The following RTL1 variants were observed in gnomAD, a reference collection of about 807,000 sequenced individuals.
The protein encoded by RTL1 is retrotransposon Gag like 1.
For missense variants in RTL1, 1,681 were observed against 1,767.5 expected (o/e 0.95, Z 0.88); for synonymous variants, 727 against 748.4 (o/e 0.97, Z 0.47).
chr14:100,880,820 G>A lies in RTL1; in HGVS notation c.3969C>T (p.Thr1323=), dbSNP rs1248799143. 3 of 1,550,700 alleles carry A rather than the reference G, an allele frequency of 1.9e-6. No homozygotes were observed. The highest frequency in any genetic ancestry group is 2.0e-5 in the Admixed American group (1 of 51,004). Residue 1323 remains threonine, a synonymous_variant, in exon 4 of 4, where the codon ACC becomes ACT. Coordinates refer to ENST00000649591, the MANE Select transcript of RTL1 (RefSeq NM_001134888.3). ...TGGGCAGGGCCCGCCTGTAGATCAGGGTCAGGAACTGGCTCAGGGCCCTGG... is the reference window on the plus strand; with the variant it reads ...TGGGCAGGGCCCGCCTGTAGATCAGAGTCAGGAACTGGCTCAGGGCCCTGG... The part of the protein sequence containing the change: ...QAARALSQFL[T]LIYRRALPIP...
chr14:100,902,198 T>G (rs565923361), intron 2 of RTL1, among the ~76,000 whole-genome samples: 1 of 152,300 alleles, frequency 6.6e-6, no homozygotes, highest in Non-Finnish European at 1.5e-5. Context: ...CTTTTGCATC[T>G]GCCTCCTCGG....
intron 3 of RTL1, among the ~76,000 whole-genome samples, chr14:100,888,138 T>C (rs546142760): frequency 1.3e-5 from 2 of 152,336 alleles, no homozygotes; most frequent in Admixed American, 6.5e-5. Flanking sequence ...ATTTCAACAA[T>C]GAGCTCAATG....
chr14:100,903,015 C>T (rs535641272), intron 2 of RTL1, among the ~76,000 whole-genome samples: 10 of 152,300 alleles, frequency 6.6e-5, no homozygotes, highest in East Asian at 3.9e-4. Flanking sequence ...AGGCAGCCCC[C>T]GGCCTGTGGA....
In RTL1 at chr14:100,881,734, A is replaced by T; in HGVS notation, c.3055T>A (p.Ser1019Thr). The T allele has an allele frequency of 6.2e-7, 1 of 1,606,030 alleles. No individual in the cohort carries two copies. Among genetic ancestry groups the T allele is most frequent in the Non-Finnish European group, 8.5e-7 (1 of 1,175,908 alleles). The change falls in exon 4 of 4, where the codon TCA becomes ACA. Residue 1019 changes from serine (S) to threonine (T), a missense_variant. Physicochemically the swap from Ser to Thr is moderately conservative, Grantham distance 58 (BLOSUM62 1). Coordinates refer to ENST00000649591, the MANE Select transcript of RTL1 (RefSeq NM_001134888.3). This position sits in a 1 kb window ranked among gnomAD's most constrained non-coding sequence, Gnocchi z 6.6. ...TAARQTLLLA[S>T]RGFPRDPSTE... is the part of the protein sequence containing the mutation. The stretch of plus-strand genomic sequence containing the variant: ...GATGGATCCCTGGGGAATCCCCTTG[A>T]GGCCAGCAGCAGGGTTTGCCTGGCG...
At position 100,889,951 on chromosome 14, in the gene RTL1, T is replaced by C. The variant is rs1244008779; in HGVS notation, c.-87+3493A>G. On this transcript the variant is annotated intron_variant, in intron 3 of 3. Transcript: ENST00000649591. ...CTGCCATAGCCTGGGCCCTGCCTCTTCTCTGCGCTTTGCAGAAATCATATT... is the reference window on the plus strand; with the variant it reads ...CTGCCATAGCCTGGGCCCTGCCTCTCCTCTGCGCTTTGCAGAAATCATATT... Among the ~76,000 whole-genome samples, 4 of 152,126 alleles carry C rather than the reference T, an allele frequency of 2.6e-5. No homozygotes were observed. The East Asian group carries it at 5.8e-4, about 22-fold the overall frequency.
Position 100,897,091 on chromosome 14 carries a change from G to A in RTL1, c.-148-3586C>T, listed in dbSNP as rs148100738. On this transcript the variant is annotated intron_variant, in intron 2 of 3. Transcript: ENST00000649591. ...GCCCTGGGCACACACCTGCCAGCCC[G>A]ATGTCACTGACAGGCTGCTCGGAGG... is the stretch of plus-strand genomic sequence containing the variant. Among the ~76,000 whole-genome samples, 959 of 152,252 alleles carry A rather than the reference G, an allele frequency of 6.3e-3. 11 individuals are homozygous for A. Among genetic ancestry groups the A allele is most frequent in the African/African-American group, 0.022 (926 of 41,514 alleles).
rs747019094 is a variant in RTL1 at position 100,881,372 on chromosome 14, C to T, written c.3417G>A (p.Thr1139=). 12 of 1,550,442 alleles carry T rather than the reference C, an allele frequency of 7.7e-6. No individual in the cohort carries two copies. Among genetic ancestry groups the T allele is most frequent in the East Asian group, 4.9e-5 (2 of 40,904 alleles). ...DSSLIAGSSI[T]TAITQLLTQM... is the part of the protein sequence containing the mutation. Reference sequence around the variant, plus strand: ...GGGTGAGCAGCTGGGTGATGGCTGTCGTGATGCTGCTGCCTGCGATGAGGG... The same window carrying T: ...GGGTGAGCAGCTGGGTGATGGCTGTTGTGATGCTGCTGCCTGCGATGAGGG... The change falls in exon 4 of 4, where the codon ACG becomes ACA. Residue 1139 remains threonine, a synonymous_variant. Transcript: ENST00000649591. The surrounding 1 kb of genome is among the most constrained non-coding windows in gnomAD (Gnocchi z 6.6).
At chr14:100,888,590 G>C (rs1165313102) in intron 3 of RTL1, among the ~76,000 whole-genome samples, 3 of 152,124 alleles carry the variant, frequency 2.0e-5, no homozygotes, top group Non-Finnish European at 4.4e-5. Flanking sequence ...ATCTTACAGT[G>C]TCTCTTAGTT....
chr14:100,888,931 G>A (rs957772167), intron 3 of RTL1, among the ~76,000 whole-genome samples: 17 of 152,122 alleles, frequency 1.1e-4, no homozygotes, highest in Non-Finnish European at 2.1e-4. Context: ...AAATGTTTGC[G>A]CATGATTGTT....
At chr14:100,895,339 G>A (rs1353230569) in intron 2 of RTL1, among the ~76,000 whole-genome samples, 3 of 152,132 alleles carry the variant, frequency 2.0e-5, no homozygotes, top group Non-Finnish European at 2.9e-5. Flanking sequence ...TTGCTTAGGG[G>A]AGATGGATGA....
intron 2 of RTL1, among the ~76,000 whole-genome samples, chr14:100,898,609 A>G (rs551660713): frequency 6.6e-6 from 1 of 152,226 alleles, no homozygotes; most frequent in Non-Finnish European, 1.5e-5. Flanking sequence ...GGAACTTGCC[A>G]GCCTCAGCCC....
At chr14:100,897,513 T>G (rs980866639) in intron 2 of RTL1, 2 of 152,260 alleles carry the variant, frequency 1.3e-5, no homozygotes, top group Non-Finnish European at 2.9e-5. Context: ...TTTGCATATG[T>G]AGATAAATAT....
chr14:100,896,548 C>T (rs1005482788), intron 2 of RTL1, among the ~76,000 whole-genome samples: 1 of 151,738 alleles, frequency 6.6e-6, no homozygotes, highest in Admixed American at 6.6e-5. Flanking sequence ...ATTCCAAGAG[C>T]CTGTGACGGC....
chr14:100,880,594 G>C lies in RTL1; in HGVS notation c.*118C>G. On this transcript the variant is annotated 3_prime_UTR_variant, in exon 4 of 4. Transcript: ENST00000649591. Reference sequence around the variant, plus strand: ...GCCCTTCACAAGTGGGTTCCTCTTGGGTCAGGAGTGGCAGGAAGGGAAGCG... The same window carrying C: ...GCCCTTCACAAGTGGGTTCCTCTTGCGTCAGGAGTGGCAGGAAGGGAAGCG... The C allele has an allele frequency of 6.7e-7, 1 of 1,489,936 alleles. No individual in the cohort carries two copies. The highest frequency in any genetic ancestry group is 8.9e-7 in the Non-Finnish European group (1 of 1,121,516). The allele number at this position is 1,489,936 out of a possible 1,614,324, so 92.3% of individuals were successfully genotyped here.
rs1016141872 is a variant in RTL1, at chr14:100,893,756, T to A, written c.-148-251A>T. Among the ~76,000 whole-genome samples the A allele has an allele frequency of 6.6e-6, 1 of 152,240 alleles. No homozygotes were observed. The highest frequency in any genetic ancestry group is 1.5e-5 in the Non-Finnish European group (1 of 68,044). On this transcript the variant is annotated intron_variant, in intron 2 of 3. Transcript: ENST00000649591. The surrounding 1 kb of genome is among the most constrained non-coding windows in gnomAD (Gnocchi z 4.2). ...CAGGTTTTCACTCTTTCAATCGTTC[T>A]AAGAAGCTGCGAGGGCCTTCCTTTT...
chr14:100,894,116 C>A (rs1183023537), intron 2 of RTL1, among the ~76,000 whole-genome samples: 1 of 152,068 alleles, frequency 6.6e-6, no homozygotes, highest in Non-Finnish European at 1.5e-5. Flanking sequence ...TCAAGACCAG[C>A]CTGGCTGACA....
At position 100,881,620 on chromosome 14, in the gene RTL1, C is replaced by T. The variant is rs1275856297; in HGVS notation, c.3169G>A (p.Asp1057Asn). The change falls in exon 4 of 4, where the codon GAC (aspartate) becomes AAC (asparagine). Residue 1057 changes from aspartate (D) to asparagine (N), a missense_variant. Transcript: ENST00000649591. This position sits in a 1 kb window ranked among gnomAD's most constrained non-coding sequence, Gnocchi z 6.6. ...RQELLAMIPI[D>N]QILNSFLAHF... ...GCGAGGAAGCTGTTGAGGATCTGGTCGATGGGTATCATGGCCAGCAGCTCT... is the reference window on the plus strand; with the variant it reads ...GCGAGGAAGCTGTTGAGGATCTGGTTGATGGGTATCATGGCCAGCAGCTCT... The T allele has an allele frequency of 3.2e-6, 5 of 1,551,814 alleles. No homozygotes were observed. Among genetic ancestry groups the T allele is most frequent in the South Asian group, 2.4e-5 (2 of 84,060 alleles).
At chr14:100,897,757 G>GGA (rs1566760845) in intron 2 of RTL1, 1 of 141,554 alleles carries the variant, frequency 7.1e-6, no homozygotes, top group East Asian at 2.4e-4. Context: ...TTGGCGGGGG[G>GGA]GGGGGTGGGG....
rs1253028496 is a variant in RTL1, at chr14:100,884,056, G to A, written c.733C>T (p.Leu245=). The A allele has an allele frequency of 1.0e-5, 16 of 1,551,618 alleles. No individual in the cohort carries two copies. Among genetic ancestry groups the A allele is most frequent in the Non-Finnish European group, 1.4e-5 (16 of 1,147,016 alleles). ...RLRVGYVINH[L]SGLALEWAKA... Reference sequence around the variant, plus strand: ...GCCCATTCTAATGCCAAGCCGGACAGGTGATTGATGACATAGCCAACTCTC... The same window carrying A: ...GCCCATTCTAATGCCAAGCCGGACAAGTGATTGATGACATAGCCAACTCTC... Residue 245 remains leucine, a synonymous_variant, in exon 4 of 4, where the codon CTG becomes TTG. Transcript: ENST00000649591.
Sources: allele counts gnomAD v4.1 joint callset (sites outside exome capture counted in the v4.1 genomes callset), GRCh38; gene constraint gnomAD v4.1.1; non-coding constraint Gnocchi (gnomAD v3.1); transcripts MANE v1.5; gene names NCBI Gene and HGNC (gene_info 2026-07-23, HGNC 2026-07-21).